SLX4IP: variants seen among roughly 807,000 people sequenced by gnomAD.
SLX4IP encodes protein SLX4IP.
In SLX4IP, 34 loss-of-function variants were observed where a neutral mutation model predicts 32.9. The ratio of observed to expected loss-of-function variants is 1.03; its 90% confidence interval spans 0.79 to 1.38. The LOEUF is 1.38. SLX4IP is among the 40% of genes most tolerant of loss of function. The probability of loss-of-function intolerance (pLI) is 0.00; values close to 1 mark genes in which losing one functional copy is unlikely to be tolerated. For missense variants in SLX4IP, 444 were observed against 479.0 expected (o/e 0.93, Z 0.68); for synonymous variants, 172 against 171.7 (o/e 1.00, Z -0.01).
At position 10,532,755 on chromosome 20, in the gene SLX4IP, T is replaced by C. The variant is rs554468069; in HGVS notation, c.28-23476T>C. Among the ~76,000 whole-genome samples, 16 of 149,622 alleles carry C rather than the reference T, an allele frequency of 1.1e-4. No homozygotes were observed. In the South Asian group the frequency reaches 2.0e-3, roughly 18 times the overall value. ...TGAATAGAAAAGCTGAAGAAAAAAATGGACTTTTATAAGCCACAAGCAATT... is the reference window on the plus strand; with the variant it reads ...TGAATAGAAAAGCTGAAGAAAAAAACGGACTTTTATAAGCCACAAGCAATT... On this transcript the variant is annotated intron_variant, in intron 2 of 7. Coordinates refer to ENST00000334534, the MANE Select transcript of SLX4IP (RefSeq NM_001009608.3).
At chr20:10,553,163 A>G (rs2066234732) in intron 2 of SLX4IP, among the ~76,000 whole-genome samples, 1 of 152,238 alleles carries the variant, frequency 6.6e-6, no homozygotes, top group South Asian at 2.1e-4. Flanking sequence ...TAATCAAAAT[A>G]TGAATAATAT....
chr20:10,497,958 T>C (rs617775), intron 2 of SLX4IP, among the ~76,000 whole-genome samples: 31,077 of 151,712 alleles, frequency 0.2, 3,672 homozygotes, highest in Admixed American at 0.27. Context: ...CTCTACTCCT[T>C]CACCATGGAG....
chr20:10,548,383 C>G (rs562348335), intron 2 of SLX4IP, among the ~76,000 whole-genome samples: 270 of 152,208 alleles, frequency 1.8e-3, no homozygotes, highest in African/African-American at 6.0e-3. Flanking sequence ...GGACTACAGG[C>G]GCCCGCCACC....
At chr20:10,490,674 C>T (rs1568707009) in intron 2 of SLX4IP, among the ~76,000 whole-genome samples, 1 of 152,076 alleles carries the variant, frequency 6.6e-6, no homozygotes, top group Non-Finnish European at 1.5e-5. Context: ...ATCTGTGTTG[C>T]TGTTAGTTAA....
chr20:10,571,318 GA>G (rs1203849731), intron 4 of SLX4IP, among the ~76,000 whole-genome samples: 1 of 152,128 alleles, frequency 6.6e-6, no homozygotes, highest in Non-Finnish European at 1.5e-5. Flanking sequence ...CTGAGTTCAG[GA>G]GGATCCTCTC....
chr20:10,617,889 C>G (rs1175190568), intron 6 of SLX4IP, among the ~76,000 whole-genome samples: 1 of 152,068 alleles, frequency 6.6e-6, no homozygotes, highest in Non-Finnish European at 1.5e-5. Context: ...TATCCTCCTA[C>G]CTTGGCCTCC....
At chr20:10,550,308 T>C (rs1338711119) in intron 2 of SLX4IP, among the ~76,000 whole-genome samples, 2 of 152,216 alleles carry the variant, frequency 1.3e-5, no homozygotes, top group Non-Finnish European at 1.5e-5. Flanking sequence ...AGGTGTAAAA[T>C]GCCAATGACG....
rs2066619174 is a variant in SLX4IP at position 10,584,248 on chromosome 20, G to A, written c.239-14427G>A. On this transcript the variant is annotated intron_variant, in intron 4 of 7. Coordinates refer to ENST00000334534, the MANE Select transcript of SLX4IP (RefSeq NM_001009608.3). ...ATTCCCTGGAGGAGTGATAATAATTGAGCTAATATGCATTGCCTTCTCATA... is the reference window on the plus strand; with the variant it reads ...ATTCCCTGGAGGAGTGATAATAATTAAGCTAATATGCATTGCCTTCTCATA... Among the ~76,000 whole-genome samples, 3 of 152,214 alleles carry A rather than the reference G, an allele frequency of 2.0e-5. No individual in the cohort carries two copies. In the South Asian group the frequency reaches 6.2e-4, roughly 32 times the overall value.
At chr20:10,450,085 T>G (rs1246823136) in intron 1 of SLX4IP, among the ~76,000 whole-genome samples, 2 of 152,298 alleles carry the variant, frequency 1.3e-5, no homozygotes, top group East Asian at 3.9e-4. Flanking sequence ...AAGGCAGATA[T>G]GATGTGAAAG....
At chr20:10,441,072 T>C (rs2065156287) in intron 1 of SLX4IP, among the ~76,000 whole-genome samples, 1 of 152,132 alleles carries the variant, frequency 6.6e-6, no homozygotes, top group Non-Finnish European at 1.5e-5. Flanking sequence ...AGGGATGTGT[T>C]TTACAAGAAC....
At chr20:10,600,054 G>T (rs922868494) in intron 5 of SLX4IP, among the ~76,000 whole-genome samples, 2 of 151,822 alleles carry the variant, frequency 1.3e-5, no homozygotes, top group Non-Finnish European at 2.9e-5. Flanking sequence ...ATTTTTTTAG[G>T]GGGGGGAGGT....
chr20:10,555,317 A>G (rs1423614189), intron 2 of SLX4IP, among the ~76,000 whole-genome samples: 1 of 152,150 alleles, frequency 6.6e-6, no homozygotes, highest in East Asian at 1.9e-4. Context: ...TTCCTTACCA[A>G]ATTAGTTTGT....
At chr20:10,479,794 A>G (rs2065506576) in intron 2 of SLX4IP, among the ~76,000 whole-genome samples, 1 of 148,204 alleles carries the variant, frequency 6.7e-6, no homozygotes, top group East Asian at 2.1e-4. Context: ...TTACAAGGTC[A>G]GGAGATTGAG....
At chr20:10,457,307 G>C (rs2065293081) in intron 1 of SLX4IP, among the ~76,000 whole-genome samples, 1 of 152,062 alleles carries the variant, frequency 6.6e-6, no homozygotes, top group Non-Finnish European at 1.5e-5. Flanking sequence ...TCTTAAGGGA[G>C]AAAACATTTA....
chr20:10,569,060 G>A (rs992833538), intron 4 of SLX4IP, among the ~76,000 whole-genome samples: 10 of 152,060 alleles, frequency 6.6e-5, no homozygotes, highest in African/African-American at 2.4e-4. Context: ...GTTATTGAAG[G>A]GTCCTTACTT....
At chr20:10,605,574 G>A (rs762516512) in intron 6 of SLX4IP, among the ~76,000 whole-genome samples, 6 of 152,088 alleles carry the variant, frequency 3.9e-5, no homozygotes, top group Non-Finnish European at 8.8e-5. Context: ...CTTTTAAACC[G>A]AAGCTCTCAA....
At chr20:10,590,637 A>G (rs554635554) in intron 4 of SLX4IP, among the ~76,000 whole-genome samples, 33 of 152,324 alleles carry the variant, frequency 2.2e-4, no homozygotes, top group South Asian at 1.5e-3. Flanking sequence ...CTAGAATTAC[A>G]GGCATGAGCC....
chr20:10,485,692 G>A (rs638441), intron 2 of SLX4IP, among the ~76,000 whole-genome samples: 59,167 of 151,460 alleles, frequency 0.39, 11,755 homozygotes, highest in Non-Finnish European at 0.43. Flanking sequence ...TGTTGACCAG[G>A]AGCCTTACTG....
At chr20:10,528,966 CAT>C (rs2065962556) in intron 2 of SLX4IP, among the ~76,000 whole-genome samples, 2 of 152,210 alleles carry the variant, frequency 1.3e-5, no homozygotes, top group Admixed American at 6.5e-5. Context: ...GACTTAAACA[CAT>C]GACAATATTT....
Sources: allele counts gnomAD v4.1 joint callset (sites outside exome capture counted in the v4.1 genomes callset), GRCh38; gene constraint gnomAD v4.1.1; transcripts MANE v1.5; gene names NCBI Gene and HGNC (gene_info 2026-07-23, HGNC 2026-07-21).